Variants in LAMA2 observed in about 807,000 individuals in gnomAD.
LAMA2 encodes laminin subunit alpha-2.
In LAMA2, 269 loss-of-function variants were observed where a neutral mutation model predicts 364.8. The observed-to-expected ratio is 0.74, with a 90% CI of 0.67 to 0.82. The LOEUF is 0.82. Among genes scored for constraint, LAMA2 ranks in the 40% least tolerant of loss-of-function variants. The pLI is 0.00. For missense variants in LAMA2, 3,807 were observed against 3,873.2 expected (o/e 0.98, Z 0.45); for synonymous variants, 1,379 against 1,370.6 (o/e 1.01, Z -0.14).
chr6:129,322,181 T>G (rs1775005984), intron 28 of LAMA2, among the ~76,000 whole-genome samples: 1 of 152,376 alleles, frequency 6.6e-6, no homozygotes, highest in African/African-American at 2.4e-5. Context: ...AATATTTATT[T>G]ACATGTGTCC....
rs1055462577 is a variant in LAMA2 at position 129,165,666 on chromosome 6, G to A, written c.1297G>A (p.Ala433Thr). 2.5e-6 allele frequency: 4 copies of A among 1,602,500 alleles called. No homozygotes were observed. The African/African-American group carries it at 5.4e-5, about 21-fold the overall frequency. ...AGTCTGTGTCAAGGATGAGAAACAT[G>A]CTCGACGAGGTGAGAGCTGCAGCAG... Reference protein sequence around the residue: ...NEVCVKDEKHARRGLAPGSCH... With the variant: ...NEVCVKDEKHTRRGLAPGSCH... The change falls in exon 9 of 65, where the codon GCT becomes ACT. Residue 433 changes from alanine to threonine, a missense_variant. Coordinates refer to ENST00000421865, the MANE Select transcript of LAMA2 (RefSeq NM_000426.4).
intron 3 of LAMA2, among the ~76,000 whole-genome samples, chr6:129,065,041 C>T (rs1463843129): frequency 1.3e-5 from 2 of 152,130 alleles, no homozygotes; most frequent in Non-Finnish European, 2.9e-5. Flanking sequence ...TTCAGCAGCA[C>T]ATTAAAAGGA....
At chr6:128,894,314 C>T (rs1282531666) in intron 1 of LAMA2, among the ~76,000 whole-genome samples, 1 of 152,142 alleles carries the variant, frequency 6.6e-6, no homozygotes, top group Non-Finnish European at 1.5e-5. Context: ...ATTTTAATTA[C>T]ATTTTTTATG....
chr6:129,227,596 C>T (rs540224463), intron 12 of LAMA2, among the ~76,000 whole-genome samples: 2 of 152,334 alleles, frequency 1.3e-5, no homozygotes, highest in East Asian at 3.9e-4. Context: ...AGGTCCACTC[C>T]AGACCCTGTT....
intron 4 of LAMA2, among the ~76,000 whole-genome samples, chr6:129,105,518 G>T (rs1235913132): frequency 6.6e-6 from 1 of 152,092 alleles, no homozygotes; most frequent in Admixed American, 6.5e-5. Flanking sequence ...AGTACTCTTG[G>T]TGATTCTTAT....
intron 1 of LAMA2, among the ~76,000 whole-genome samples, chr6:128,910,932 T>C (rs1273350397): frequency 6.6e-6 from 1 of 151,508 alleles, no homozygotes; most frequent in Non-Finnish European, 1.5e-5. Context: ...GGGGGGTGCC[T>C]CCCAGTTAGG....
At chr6:129,119,985 T>G (rs1308008853) in intron 4 of LAMA2, among the ~76,000 whole-genome samples, 8 of 152,236 alleles carry the variant, frequency 5.3e-5, no homozygotes, top group Admixed American at 5.2e-4. Context: ...ACCCATGATA[T>G]GACCAATTTA....
chr6:129,132,268 G>A (rs1195404099), intron 4 of LAMA2, among the ~76,000 whole-genome samples: 2 of 151,226 alleles, frequency 1.3e-5, no homozygotes, highest in African/African-American at 4.9e-5. Flanking sequence ...CCGGGTTCAT[G>A]CCATTCTCCC....
intron 1 of LAMA2, among the ~76,000 whole-genome samples, chr6:128,980,228 C>T (rs1202827096): frequency 1.3e-5 from 2 of 152,204 alleles, no homozygotes; most frequent in Admixed American, 1.3e-4. Flanking sequence ...CTCTCTATAT[C>T]AATATCACAC....
rs75357118 is a variant in LAMA2 at position 128,956,669 on chromosome 6, T to C, written c.112+73312T>C. ...TCCTTCGCAATTATTGCTTTCTTCA[T>C]AGGCTTTTCCTATTGTTCTCTGTCA... On this transcript the variant is annotated intron_variant, in intron 1 of 64. Transcript: ENST00000421865. Among the ~76,000 whole-genome samples the C allele has an allele frequency of 3.2e-3, 491 of 152,280 alleles. 1 individual carries two copies. The highest frequency in any genetic ancestry group is 0.011 in the African/African-American group (463 of 41,594).
intron 35 of LAMA2, among the ~76,000 whole-genome samples, 200 bp downstream of exon 35, chr6:129,383,433 T>C (rs1778807775): frequency 6.6e-6 from 1 of 152,200 alleles, no homozygotes; most frequent in Non-Finnish European, 1.5e-5. Flanking sequence ...TTAGCGACAA[T>C]AGTGAATTAG....
chr6:129,059,521 G>A (rs1788737198), intron 2 of LAMA2, among the ~76,000 whole-genome samples: 1 of 152,016 alleles, frequency 6.6e-6, no homozygotes. Flanking sequence ...GCCCATTTTG[G>A]TTAATGGCCA....
At chr6:129,130,610 A>T (rs1308466371) in intron 4 of LAMA2, among the ~76,000 whole-genome samples, 1 of 152,190 alleles carries the variant, frequency 6.6e-6, no homozygotes, top group Non-Finnish European at 1.5e-5. Flanking sequence ...GATAGGAGAG[A>T]AAGGGTAATT....
chr6:129,037,498 T>C (rs913678297), intron 1 of LAMA2, among the ~76,000 whole-genome samples: 6 of 152,202 alleles, frequency 3.9e-5, no homozygotes, highest in Admixed American at 1.3e-4. Flanking sequence ...TGGTGGTCTT[T>C]ACAAACTTGA....
intron 1 of LAMA2, among the ~76,000 whole-genome samples, chr6:128,990,183 C>G (rs1410603370): frequency 6.6e-6 from 1 of 152,152 alleles, no homozygotes; most frequent in African/African-American, 2.4e-5. Context: ...GTTGTATACA[C>G]TATTTGTTTA....
intron 2 of LAMA2, among the ~76,000 whole-genome samples, chr6:129,050,789 TG>T (rs1027072176): frequency 6.6e-6 from 1 of 152,146 alleles, no homozygotes; most frequent in African/African-American, 2.4e-5. Flanking sequence ...AGCAAAAGGC[TG>T]GAGCCAGATT....
At chr6:129,416,309 C>T (rs938082114) in intron 40 of LAMA2, among the ~76,000 whole-genome samples, 3 of 152,320 alleles carry the variant, frequency 2.0e-5, no homozygotes, top group Admixed American at 6.5e-5. Context: ...CAATCTCCCC[C>T]GGACAGTCAC....
At chr6:129,156,105 T>A (rs1389072465) in intron 8 of LAMA2, among the ~76,000 whole-genome samples, 1 of 151,730 alleles carries the variant, frequency 6.6e-6, no homozygotes, top group Admixed American at 6.6e-5. Context: ...ACCAAAAAAA[T>A]TGATAATTAT....
At chr6:129,239,753 C>A (rs923789691) in intron 12 of LAMA2, among the ~76,000 whole-genome samples, 13 of 152,108 alleles carry the variant, frequency 8.5e-5, no homozygotes, top group African/African-American at 3.1e-4. Context: ...TGGGCTCAAG[C>A]AATCCTCCTG....
Sources: gnomAD v4.1 joint callset for allele counts (sites outside exome capture counted in the v4.1 genomes callset) on GRCh38, gnomAD v4.1.1 for gene constraint, MANE v1.5 for transcripts, NCBI Gene and HGNC (gene_info 2026-07-23, HGNC 2026-07-21) for gene names.